ST7: variants seen among roughly 807,000 people sequenced by gnomAD.
ST7 encodes suppressor of tumorigenicity 7 protein.
In ST7, 28 loss-of-function variants were observed where a neutral mutation model predicts 78.7. The observed-to-expected ratio is 0.36, with a 90% CI of 0.26 to 0.49. The LOEUF (loss-of-function observed/expected upper bound fraction) is 0.49, where lower values mean the gene tolerates loss of function less well. ST7 is among the 20% of genes least tolerant of loss of function. ST7 has a pLI of 0.99. For synonymous variants in ST7, 247 were observed against 249.6 expected, an observed-to-expected ratio of 0.99 and a Z score of 0.10; for missense variants, 418 against 696.0, an observed-to-expected ratio of 0.60 and a Z score of 4.49.
At chr7:117,120,478 G>A (rs144847370) in intron 3 of ST7, among the ~76,000 whole-genome samples, 245 of 152,278 alleles carry the variant, frequency 1.6e-3, no homozygotes, top group South Asian at 6.2e-3. Context: ...AGCATGAGCT[G>A]CTTGGCAACT....
chr7:117,223,699 T>C (rs1423822195), intron 15 of ST7: 1 of 152,500 alleles, frequency 6.6e-6, no homozygotes, highest in Admixed American at 6.5e-5. Context: ...GAGTTAGGTG[T>C]CTGTCCTTTA....
At chr7:117,195,359 A>G (rs1841404028) in intron 12 of ST7, among the ~76,000 whole-genome samples, 1 of 152,100 alleles carries the variant, frequency 6.6e-6, no homozygotes, top group Admixed American at 6.6e-5. Flanking sequence ...TGTTTTGGAT[A>G]CTTCTTTTTT....
intron 1 of ST7, among the ~76,000 whole-genome samples, chr7:117,077,633 A>AT (rs1264739266): frequency 6.6e-6 from 1 of 152,214 alleles, no homozygotes; most frequent in East Asian, 1.9e-4. Flanking sequence ...AATGCAAGCC[A>AT]TAATAGCTCC....
intron 1 of ST7, among the ~76,000 whole-genome samples, chr7:116,969,889 A>C (rs1350821172): frequency 2.0e-5 from 3 of 152,166 alleles, no homozygotes; most frequent in Non-Finnish European, 4.4e-5. Flanking sequence ...TAGCCTGACC[A>C]ACATGGAGAA....
intron 1 of ST7, among the ~76,000 whole-genome samples, chr7:117,027,910 A>G (rs1204494967): frequency 2.0e-5 from 3 of 152,122 alleles, no homozygotes; most frequent in African/African-American, 7.2e-5. Flanking sequence ...TAAAATTTGA[A>G]TCTGCTGTGG....
At chr7:116,968,283 CCCTCCCTCCCTCCTTCCTTCCT>C (rs1793235178) in intron 1 of ST7, 1 of 12,852 alleles carries the variant, frequency 7.8e-5, no homozygotes, top group Non-Finnish European at 1.9e-4. Context: ...CTCCCTCCCT[CCCTCCCTCCCTCCTTCCTTCCT>C]TCCTTCCTTC....
chr7:116,967,346 C>A (rs1793174980), intron 1 of ST7: 1 of 471,056 alleles, frequency 2.1e-6, no homozygotes, highest in Non-Finnish European at 4.4e-6. Flanking sequence ...TCCACTTGCG[C>A]TACTCTCACT....
In ST7 at chr7:117,189,409, T is replaced by C. The variant is rs185187; in HGVS notation, c.1151+16T>C. The C allele has an allele frequency of 0.06, 94,351 of 1,584,968 alleles. 6,680 individuals are homozygous for C. The highest frequency in any genetic ancestry group is 0.32 in the African/African-American group (23,541 of 74,188). On this transcript the variant is annotated intron_variant, in intron 11 of 15. Transcript: ENST00000323984. The stretch of plus-strand genomic sequence containing the variant: ...TCTCTGACAAGTAAGTGAATAATAG[T>C]TTGCGCGGTACTAATGCCTGACCGG...
intron 1 of ST7, among the ~76,000 whole-genome samples, chr7:117,058,759 A>G (rs1798195191): frequency 6.6e-6 from 1 of 152,218 alleles, no homozygotes; most frequent in Non-Finnish European, 1.5e-5. Flanking sequence ...TTATTGTAGC[A>G]CTATTCACAA....
At chr7:117,068,334 T>C (rs1798750798) in intron 1 of ST7, among the ~76,000 whole-genome samples, 1 of 152,246 alleles carries the variant, frequency 6.6e-6, no homozygotes, top group Admixed American at 6.5e-5. Flanking sequence ...TTTTTATTAC[T>C]ATTATATTAT....
At chr7:116,981,578 A>G (rs951740494) in intron 1 of ST7, among the ~76,000 whole-genome samples, 2 of 152,182 alleles carry the variant, frequency 1.3e-5, no homozygotes, top group Admixed American at 6.5e-5. Flanking sequence ...AGGATTCTCT[A>G]TTATATTCTA....
chr7:116,985,564 G>A (rs548893407), intron 1 of ST7, among the ~76,000 whole-genome samples: 1 of 152,268 alleles, frequency 6.6e-6, no homozygotes, highest in Non-Finnish European at 1.5e-5. Flanking sequence ...AATTCAACAA[G>A]CAAATTCAAC....
At chr7:117,097,873 C>T (rs1239721854) in intron 1 of ST7, among the ~76,000 whole-genome samples, 1 of 25,956 alleles carries the variant, frequency 3.9e-5, no homozygotes, top group Non-Finnish European at 9.3e-5. Flanking sequence ...ATATATATGA[C>T]ATATCACTAT....
chr7:116,987,425 A>G (rs1256270132), intron 1 of ST7, among the ~76,000 whole-genome samples: 1 of 152,220 alleles, frequency 6.6e-6, no homozygotes, highest in Non-Finnish European at 1.5e-5. Flanking sequence ...GGCTGCAGCA[A>G]GAAAACTGCT....
intron 7 of ST7, among the ~76,000 whole-genome samples, chr7:117,134,598 C>T (rs915651522): frequency 2.6e-5 from 4 of 152,000 alleles, no homozygotes; most frequent in African/African-American, 9.7e-5. Context: ...ATAGCTAATT[C>T]CTCTGATACT....
chr7:117,198,481 C>T, intron 12 of ST7: 1 of 322,418 alleles, frequency 3.1e-6, no homozygotes, highest in Admixed American at 4.2e-5. Context: ...TGAGGGGAGG[C>T]TCTAGCATGT....
chr7:116,980,868 T>A (rs536549756), intron 1 of ST7, among the ~76,000 whole-genome samples: 6 of 152,354 alleles, frequency 3.9e-5, no homozygotes, highest in Admixed American at 2.0e-4. Flanking sequence ...ATTGGTACAG[T>A]GACACCATCT....
At chr7:117,114,074 G>T (rs561869616) in intron 2 of ST7, among the ~76,000 whole-genome samples, 1 of 152,194 alleles carries the variant, frequency 6.6e-6, no homozygotes, top group African/African-American at 2.4e-5. Flanking sequence ...ACAAAGGCGG[G>T]TGGAAGGGCA....
intron 14 of ST7, among the ~76,000 whole-genome samples, chr7:117,220,763 T>C (rs1793028102): frequency 6.6e-6 from 1 of 152,182 alleles, no homozygotes; most frequent in East Asian, 1.9e-4. Flanking sequence ...AGTATAATTA[T>C]AGCCACACGA....
Sources: gnomAD v4.1 joint callset for allele counts (sites outside exome capture counted in the v4.1 genomes callset) on GRCh38, gnomAD v4.1.1 for gene constraint, MANE v1.5 for transcripts, NCBI Gene and HGNC (gene_info 2026-07-23, HGNC 2026-07-21) for gene names.